The following SCAPER variants were observed in gnomAD, a reference collection of about 807,000 sequenced individuals.
SCAPER encodes the protein S phase cyclin A-associated protein in the endoplasmic reticulum.
Under a neutral mutation model 182.2 loss-of-function variants are expected in SCAPER, and 98 were observed. The observed-to-expected ratio is 0.54, with a 90% CI of 0.46 to 0.64. The LOEUF is 0.64. Among genes scored for constraint, SCAPER ranks in the 30% least tolerant of loss-of-function variants. SCAPER has a pLI of 0.00. For missense variants in SCAPER, 1,432 were observed against 1,690.0 expected (o/e 0.85, Z 2.68); for synonymous variants, 605 against 564.6 (o/e 1.07, Z -1.01).
In SCAPER at chr15:76,850,549, C is replaced by T. The variant is rs144767454; in HGVS notation, c.195+7260G>A. On this transcript the variant is annotated intron_variant, in intron 4 of 31. Transcript: ENST00000563290. ...CAGTTCTTTAATAAGGGTTCTTAAC[C>T]AGGCTGAGCTGGCTGAAATGACAGA... Among the ~76,000 whole-genome samples the T allele has an allele frequency of 8.1e-4, 124 of 152,172 alleles. 1 individual carries two copies. The highest frequency in any genetic ancestry group is 2.8e-3 in the African/African-American group (116 of 41,512).
At chr15:76,705,540 A>G (rs202243435) in intron 18 of SCAPER, among the ~76,000 whole-genome samples, 1 of 151,992 alleles carries the variant, frequency 6.6e-6, no homozygotes, top group East Asian at 1.9e-4. Flanking sequence ...CTAAAACTTA[A>G]AGTATAATTA....
At chr15:76,723,020 T>C (rs930847977) in intron 17 of SCAPER, among the ~76,000 whole-genome samples, 28 of 152,332 alleles carry the variant, frequency 1.8e-4, no homozygotes, top group Admixed American at 1.6e-3. Flanking sequence ...ATTGTGATGT[T>C]AGGGTGTCAA....
chr15:76,591,669 C>T (rs368061923), intron 22 of SCAPER, among the ~76,000 whole-genome samples: 9 of 152,146 alleles, frequency 5.9e-5, no homozygotes, highest in East Asian at 1.9e-4. Flanking sequence ...CAATAGAATA[C>T]TATGTATCAC....
intron 20 of SCAPER, among the ~76,000 whole-genome samples, chr15:76,678,182 A>G (rs2057475013): frequency 6.6e-6 from 1 of 152,080 alleles, no homozygotes; most frequent in Non-Finnish European, 1.5e-5. Flanking sequence ...AAATTTTTTT[A>G]TTAGAAAATC....
intron 31 of SCAPER, 61 bp from the exon 32 acceptor site, chr15:76,348,797 C>A: frequency 2.0e-6 from 2 of 1,016,496 alleles, no homozygotes; most frequent in Non-Finnish European, 2.9e-6. Flanking sequence ...TTTGAAGATT[C>A]ATAAATTAAA....
chr15:76,821,908 G>A (rs1469699040), intron 5 of SCAPER, among the ~76,000 whole-genome samples: 1 of 151,884 alleles, frequency 6.6e-6, no homozygotes, highest in Non-Finnish European at 1.5e-5. Context: ...AAAAGTAGAG[G>A]TTACATACTG....
At position 76,904,961 on chromosome 15, in the gene SCAPER, A is replaced by G. The variant is rs1420311246; in HGVS notation, c.-60+338T>C. On this transcript the variant is annotated intron_variant, in intron 1 of 31. Coordinates refer to ENST00000563290, the MANE Select transcript of SCAPER (RefSeq NM_020843.4). ...CTGCCCCCAAGTGAGGTGACGCGGCAGCCCCCCACTCACCCCTCAGACCGC... is the reference window on the plus strand; with the variant it reads ...CTGCCCCCAAGTGAGGTGACGCGGCGGCCCCCCACTCACCCCTCAGACCGC... Among the ~76,000 whole-genome samples the G allele has an allele frequency of 3.9e-5, 6 of 152,236 alleles. 1 individual carries two copies. The highest frequency in any genetic ancestry group is 1.4e-4 in the African/African-American group (6 of 41,544).
At position 76,639,673 on chromosome 15, in the gene SCAPER, C is replaced by T. The variant is rs116751864; in HGVS notation, c.2646-17844G>A. ...GTAAAGATTATGAGGACTTACACCC[C>T]GCCCCGTTGCTAATGTCCCCCCACC... On this transcript the variant is annotated intron_variant, in intron 21 of 31. Transcript: ENST00000563290. Among the ~76,000 whole-genome samples, 196 of 152,102 alleles carry T rather than the reference C, an allele frequency of 1.3e-3. 3 individuals carry two copies. Among genetic ancestry groups the T allele is most frequent in the African/African-American group, 4.5e-3 (186 of 41,504 alleles).
chr15:76,878,262 AAGAG>A (rs1181790806), intron 2 of SCAPER, among the ~76,000 whole-genome samples: 1 of 152,208 alleles, frequency 6.6e-6, no homozygotes, highest in Non-Finnish European at 1.5e-5. Context: ...CATACACACA[AAGAG>A]AGAAAGGAAA....
chr15:76,485,962 C>T (rs1006844273), intron 24 of SCAPER, among the ~76,000 whole-genome samples: 8 of 152,246 alleles, frequency 5.3e-5, no homozygotes, highest in African/African-American at 1.9e-4. Context: ...AATCTCAGTC[C>T]TTTGGGAGGC....
intron 23 of SCAPER, among the ~76,000 whole-genome samples, chr15:76,512,571 G>T (rs1313204448): frequency 2.6e-5 from 4 of 151,918 alleles, no homozygotes; most frequent in Non-Finnish European, 4.4e-5. Context: ...CACAATGGGA[G>T]GAAACTGGGT....
At chr15:76,564,030 C>T (rs910732165) in intron 23 of SCAPER, among the ~76,000 whole-genome samples, 1 of 152,092 alleles carries the variant, frequency 6.6e-6, no homozygotes, top group Non-Finnish European at 1.5e-5. Flanking sequence ...ATAATAAGAG[C>T]CATCTACGAC....
chr15:76,356,858 A>T (rs1596279919), intron 29 of SCAPER, among the ~76,000 whole-genome samples: 1 of 152,316 alleles, frequency 6.6e-6, no homozygotes, highest in Non-Finnish European at 1.5e-5. Context: ...AGTAGGGAGC[A>T]TGCATGGCCT....
chr15:76,817,225 A>G (rs913975642), intron 5 of SCAPER, among the ~76,000 whole-genome samples: 1 of 152,244 alleles, frequency 6.6e-6, no homozygotes, highest in African/African-American at 2.4e-5. Flanking sequence ...ACAATGAAAT[A>G]TTATTCCACC....
At chr15:76,401,039 G>A (rs1041642790) in intron 27 of SCAPER, among the ~76,000 whole-genome samples, 3 of 151,772 alleles carry the variant, frequency 2.0e-5, no homozygotes, top group African/African-American at 7.3e-5. Context: ...GAGAATATAA[G>A]CAGTTTTTCT....
At chr15:76,850,998 T>G (rs942388903) in intron 4 of SCAPER, among the ~76,000 whole-genome samples, 1 of 150,074 alleles carries the variant, frequency 6.7e-6, no homozygotes, top group Admixed American at 6.6e-5. Context: ...AAATACCCAG[T>G]ATAAAAAAGA....
chr15:76,450,668 C>G (rs986662132), intron 25 of SCAPER, among the ~76,000 whole-genome samples: 2 of 152,190 alleles, frequency 1.3e-5, no homozygotes, highest in Non-Finnish European at 2.9e-5. Flanking sequence ...ATTCTCGTGC[C>G]TCAGCCTCCT....
chr15:76,522,281 A>G (rs1397154102), intron 23 of SCAPER, among the ~76,000 whole-genome samples: 1 of 152,150 alleles, frequency 6.6e-6, no homozygotes, highest in African/African-American at 2.4e-5. Context: ...CAAGTACCCC[A>G]GTATAATTTA....
At chr15:76,672,692 G>A (rs1467249645) in intron 20 of SCAPER, among the ~76,000 whole-genome samples, 2 of 152,036 alleles carry the variant, frequency 1.3e-5, no homozygotes, top group Non-Finnish European at 2.9e-5. Context: ...TGGAAATACT[G>A]CAAGAGGACA....
Sources: gnomAD v4.1 joint callset for allele counts (sites outside exome capture counted in the v4.1 genomes callset) on GRCh38, gnomAD v4.1.1 for gene constraint, MANE v1.5 for transcripts, NCBI Gene and HGNC (gene_info 2026-07-23, HGNC 2026-07-21) for gene names.